The following SLC44A5 variants were observed in gnomAD, a reference collection of about 807,000 sequenced individuals.
SLC44A5 encodes the protein choline transporter-like protein 5.
Under a neutral mutation model 101.8 loss-of-function variants are expected in SLC44A5, and 57 were observed. That is an observed-to-expected ratio of 0.56 (90% confidence interval 0.45 to 0.70). SLC44A5 has a LOEUF of 0.70. Among genes scored for constraint, SLC44A5 ranks in the 30% least tolerant of loss-of-function variants. The pLI is 0.00. For synonymous variants in SLC44A5, 281 were observed against 290.9 expected, an observed-to-expected ratio of 0.97 and a Z score of 0.35; for missense variants, 737 against 853.1, an observed-to-expected ratio of 0.86 and a Z score of 1.70.
rs188255491 is a variant in SLC44A5 at position 75,506,554 on chromosome 1, C to T, written c.13+34881G>A. Among the ~76,000 whole-genome samples the T allele has an allele frequency of 3.6e-4, 55 of 152,232 alleles. 1 individual carries two copies. Among genetic ancestry groups the T allele is most frequent in the African/African-American group, 1.3e-3 (55 of 41,522 alleles). On this transcript the variant is annotated intron_variant, in intron 2 of 23. Coordinates refer to ENST00000370859, the MANE Select transcript of SLC44A5 (RefSeq NM_001130058.2). The stretch of plus-strand genomic sequence containing the variant: ...TTTCGTAGTTCTTGGAGAGCTCCGT[C>T]ACCTCCATGATTGGATGTACTCCTT...
intron 11 of SLC44A5, 68 bp downstream of exon 11, chr1:75,236,919 A>C: frequency 2.5e-6 from 2 of 811,666 alleles, no homozygotes; most frequent in Non-Finnish European, 3.9e-6. Context: ...TAAAATTTGA[A>C]GAAAGAGTTC....
At chr1:75,331,447 C>G (rs529610850) in intron 4 of SLC44A5, among the ~76,000 whole-genome samples, 45 of 152,246 alleles carry the variant, frequency 3.0e-4, no homozygotes, top group African/African-American at 1.1e-3. Context: ...CCTCTACCAC[C>G]AAAGCATATC....
At chr1:75,478,760 A>C (rs565192669) in intron 2 of SLC44A5, among the ~76,000 whole-genome samples, 1 of 152,166 alleles carries the variant, frequency 6.6e-6, no homozygotes, top group African/African-American at 2.4e-5. Context: ...AGCAAGTCCT[A>C]AGTGACCTAC....
Position 75,300,651 on chromosome 1 carries a change from G to A in SLC44A5, c.136C>T (p.Leu46=). The stretch of plus-strand genomic sequence containing the variant: ...ACAATGTAGCCAATAATACACAGTA[G>A]GAAGATCATACAGCACAGAACATCT... ...CTDVLCCMIF[L]LCIIGYIVLG... is the part of the protein sequence containing the mutation. The change falls in exon 5 of 24, where the codon CTA becomes TTA. Residue 46 remains leucine, a synonymous_variant. Transcript: ENST00000370859. The A allele has an allele frequency of 1.2e-6, 2 of 1,605,428 alleles. No homozygotes were observed. Among genetic ancestry groups the A allele is most frequent in the Non-Finnish European group, 1.7e-6 (2 of 1,176,106 alleles).
chr1:75,415,273 A>G (rs1252132982), intron 2 of SLC44A5, among the ~76,000 whole-genome samples: 4 of 152,162 alleles, frequency 2.6e-5, no homozygotes. Flanking sequence ...GGTCTTTCCT[A>G]TGCTGTTCTC....
chr1:75,656,081 T>C, the SLC44A5 span, among the ~76,000 whole-genome samples: 1,076 of 152,252 alleles, frequency 7.1e-3, 20 homozygotes, highest in African/African-American at 0.025. Flanking sequence ...GGAAATTTTA[T>C]AGGCCAAGAG....
chr1:75,625,176 T>A, the SLC44A5 span, among the ~76,000 whole-genome samples: 1 of 152,152 alleles, frequency 6.6e-6, no homozygotes, highest in Non-Finnish European at 1.5e-5. Flanking sequence ...ATGGTGGGAC[T>A]TCCCTTGTAT....
intron 1 of SLC44A5, among the ~76,000 whole-genome samples, chr1:75,570,668 C>T (rs1673026698): frequency 6.6e-6 from 1 of 152,130 alleles, no homozygotes; most frequent in Admixed American, 6.6e-5. Flanking sequence ...TAAATTTTTA[C>T]TATCTGGCTT....
chr1:75,219,354 C>T lies in SLC44A5; in HGVS notation c.1179-10G>A. 6.3e-7 allele frequency: 1 copy of T among 1,587,190 alleles called. No homozygotes were observed. Among genetic ancestry groups the T allele is most frequent in the Non-Finnish European group, 8.7e-7 (1 of 1,155,704 alleles). On this transcript the variant is annotated splice_polypyrimidine_tract_variant and intron_variant, in intron 15 of 23. Coordinates refer to ENST00000370859, the MANE Select transcript of SLC44A5 (RefSeq NM_001130058.2). ...CGATGTCGCCAAGAAACTGAATAAACTCCATTAAGGATAAACCATTTGCTG... is the reference window on the plus strand; with the variant it reads ...CGATGTCGCCAAGAAACTGAATAAATTCCATTAAGGATAAACCATTTGCTG...
chr1:75,431,821 A>G (rs2101597778), intron 2 of SLC44A5, among the ~76,000 whole-genome samples: 1 of 152,324 alleles, frequency 6.6e-6, no homozygotes, highest in Non-Finnish European at 1.5e-5. Flanking sequence ...AGATGAAAAC[A>G]GGTAATTCAA....
chr1:75,354,701 T>C, intron 3 of SLC44A5, among the ~76,000 whole-genome samples: 1 of 152,174 alleles, frequency 6.6e-6, no homozygotes, highest in Non-Finnish European at 1.5e-5. Context: ...CAGAAAAGCT[T>C]ACAAAAATCA....
chr1:75,629,744 T>G, the SLC44A5 span, among the ~76,000 whole-genome samples: 13 of 152,268 alleles, frequency 8.5e-5, no homozygotes, highest in African/African-American at 3.1e-4. Context: ...TGAAAAACCA[T>G]GCTGGAAGTA....
At chr1:75,541,213 A>G (rs1304900406) in intron 2 of SLC44A5, among the ~76,000 whole-genome samples, 1 of 152,128 alleles carries the variant, frequency 6.6e-6, no homozygotes. Flanking sequence ...TGCTATAGGG[A>G]GTCCAGGTAT....
intron 1 of SLC44A5, among the ~76,000 whole-genome samples, chr1:75,573,497 T>C (rs1673197288): frequency 6.6e-6 from 1 of 152,206 alleles, no homozygotes; most frequent in Admixed American, 6.5e-5. Context: ...TTTAACCACA[T>C]AAATTTGTTA....
intron 3 of SLC44A5, among the ~76,000 whole-genome samples, chr1:75,385,770 G>A (rs1355120001): frequency 6.6e-6 from 1 of 152,072 alleles, no homozygotes; most frequent in Non-Finnish European, 1.5e-5. Flanking sequence ...GAGAATTTTA[G>A]ACCAATATCC....
intron 2 of SLC44A5, among the ~76,000 whole-genome samples, chr1:75,403,984 C>T (rs574164265): frequency 6.6e-6 from 1 of 152,104 alleles, no homozygotes; most frequent in South Asian, 2.1e-4. Flanking sequence ...ACTAGAATAA[C>T]CGCTTTAGGG....
intron 8 of SLC44A5, 124 bp downstream of exon 8, chr1:75,242,762 G>T: frequency 8.6e-7 from 1 of 1,161,206 alleles, no homozygotes. Context: ...CTGTTTCAAT[G>T]AAATTGTATC....
At chr1:75,655,065 A>G in the SLC44A5 span, among the ~76,000 whole-genome samples, 1 of 152,210 alleles carries the variant, frequency 6.6e-6, no homozygotes, top group Non-Finnish European at 1.5e-5. Flanking sequence ...TTAAAAGATT[A>G]AACTAAATCT....
intron 3 of SLC44A5, among the ~76,000 whole-genome samples, chr1:75,383,795 G>A (rs1000077273): frequency 7.2e-5 from 11 of 152,068 alleles, no homozygotes; most frequent in African/African-American, 2.7e-4. Flanking sequence ...AATGTTAAGG[G>A]CAGCCAGAGA....
Sources: gnomAD v4.1 joint callset for allele counts (sites outside exome capture counted in the v4.1 genomes callset) on GRCh38, gnomAD v4.1.1 for gene constraint, MANE v1.5 for transcripts, NCBI Gene and HGNC (gene_info 2026-07-23, HGNC 2026-07-21) for gene names.